The following TPO variants were observed in gnomAD, a reference collection of about 807,000 sequenced individuals.
TPO encodes the protein thyroid microsomal antigen.
In TPO, 78 loss-of-function variants were observed where a neutral mutation model predicts 96.9. The ratio of observed to expected loss-of-function variants is 0.81; its 90% confidence interval spans 0.67 to 0.97. The LOEUF (loss-of-function observed/expected upper bound fraction) is 0.97. TPO is among the 50% of genes least tolerant of loss of function. The pLI is 0.00. For missense variants in TPO, 1,252 were observed against 1,274.8 expected (o/e 0.98, Z 0.27); for synonymous variants, 547 against 538.0 (o/e 1.02, Z -0.23).
At chr2:1,440,815 T>G (rs1666103575) in intron 5 of TPO, among the ~76,000 whole-genome samples, 1 of 152,022 alleles carries the variant, frequency 6.6e-6, no homozygotes, top group Non-Finnish European at 1.5e-5. Context: ...TATGGTGTAG[T>G]CATTGCCGCA....
upstream of TPO, among the ~76,000 whole-genome samples, chr2:1,409,955 G>T (rs1304340929): frequency 2.0e-5 from 3 of 150,638 alleles, no homozygotes; most frequent in Non-Finnish European, 4.4e-5. Context: ...GTGCGGTGGG[G>T]GGCAGGTGTG....
At chr2:1,459,530 T>G (rs1302441100) in intron 7 of TPO, among the ~76,000 whole-genome samples, 1 of 152,170 alleles carries the variant, frequency 6.6e-6, no homozygotes, top group Admixed American at 6.5e-5. Context: ...AAAACTTCAC[T>G]GGCAGTTATT....
intron 15 of TPO, among the ~76,000 whole-genome samples, chr2:1,528,961 T>G (rs1677311226): frequency 9.0e-6 from 1 of 111,094 alleles, no homozygotes; most frequent in African/African-American, 3.8e-5. Context: ...CGCATCCTCC[T>G]AAAATCCCCC....
rs115814955 is a variant in TPO, at chr2:1,491,955, G to A, written c.1769-1847G>A. On this transcript the variant is annotated intron_variant, in intron 10 of 16. Coordinates refer to ENST00000329066, the MANE Select transcript of TPO (RefSeq NM_001206744.2). ...ACAGCAGGAGTCAGGCTGAGGCAGC[G>A]CAGCTTCTCACGGGGGCTCGGGGGA... Among the ~76,000 whole-genome samples the A allele has an allele frequency of 5.2e-3, 793 of 152,272 alleles. 4 individuals carry two copies. Among genetic ancestry groups the A allele is most frequent in the Middle Eastern group, 0.01 (3 of 294 alleles).
chr2:1,540,712 G>T lies in TPO; in HGVS notation c.2737G>T (p.Asp913Tyr). The part of the protein sequence containing the change: ...GTSPQRAAAQ[D>Y]SEQESAGMEG... ...CTCACCGCAGCGGGCCGCAGCTCAG[G>T]ACTCGGAGCAGGTGGGCCACACCAT... The change falls in exon 16 of 17, where the codon GAC (aspartate) becomes TAC (tyrosine). Residue 913 changes from aspartate (D) to tyrosine (Y), a missense_variant. Asp to Tyr is a radical substitution (Grantham distance 160). Transcript: ENST00000329066. The T allele has an allele frequency of 6.2e-7, 1 of 1,613,242 alleles. No homozygotes were observed. The highest frequency in any genetic ancestry group is 1.1e-5 in the South Asian group (1 of 91,082).
intron 13 of TPO, among the ~76,000 whole-genome samples, chr2:1,502,434 G>A (rs1278976648): frequency 6.6e-6 from 1 of 152,112 alleles, no homozygotes; most frequent in Non-Finnish European, 1.5e-5. Flanking sequence ...CTGTCACCCA[G>A]GCTGGAGTGC....
At position 1,487,840 on chromosome 2, in the gene TPO, A is replaced by T. The variant is rs1671320710; in HGVS notation, c.1617A>T (p.Ile539=). The part of the protein sequence containing the change: ...LLRGGGLDPL[I]RGLLARPAKL... ...TTCCAGGTGGTTTGGACCCACTAATACGAGGCCTTCTTGCAAGACCAGCCA... is the reference window on the plus strand; with the variant it reads ...TTCCAGGTGGTTTGGACCCACTAATTCGAGGCCTTCTTGCAAGACCAGCCA... The change falls in exon 10 of 17, where the codon ATA becomes ATT. Residue 539 remains isoleucine (I), a synonymous_variant. Transcript: ENST00000329066. The T allele has an allele frequency of 6.2e-7, 1 of 1,614,228 alleles. No individual in the cohort carries two copies. The highest frequency in any genetic ancestry group is 1.3e-5 in the African/African-American group (1 of 75,046).
At chr2:1,490,511 T>C (rs68005133) in intron 10 of TPO, among the ~76,000 whole-genome samples, 15,965 of 80,998 alleles carry the variant, frequency 0.2, 2,350 homozygotes, top group Admixed American at 0.28. Context: ...GTGTAAGAGC[T>C]GCCACACATG....
At chr2:1,500,464 TAACA>T (rs1163113047) in intron 13 of TPO, among the ~76,000 whole-genome samples, 1 of 152,182 alleles carries the variant, frequency 6.6e-6, no homozygotes, top group Non-Finnish European at 1.5e-5. Context: ...AACTCAAGTA[TAACA>T]GACAGGAAAC....
At chr2:1,399,468 T>G (rs1662132702) in intron 1 of TPO, among the ~76,000 whole-genome samples, 1 of 152,208 alleles carries the variant, frequency 6.6e-6, no homozygotes, top group African/African-American at 2.4e-5. Context: ...AGTTTATAAA[T>G]TAGGCATAGT....
chr2:1,385,545 C>T (rs544666390), intron 1 of TPO, among the ~76,000 whole-genome samples: 12 of 151,894 alleles, frequency 7.9e-5, no homozygotes, highest in South Asian at 2.1e-4. Flanking sequence ...TCTGTGGGAT[C>T]GGTGGTGATA....
chr2:1,436,267 A>G lies in TPO; in HGVS notation c.365A>G (p.Asp122Gly). Reference protein sequence around the residue: ...SQHPTDALSEDLLSIIANMSG... With the variant: ...SQHPTDALSEGLLSIIANMSG... ...TTTTTCACAGATGCTTTATCAGAAG[A>G]TCTGCTGAGCATCATTGCAAACATG... The change falls in exon 5 of 17, where the codon GAT becomes GGT. Residue 122 changes from aspartate to glycine, a missense_variant. By Grantham distance (94) the Asp-to-Gly change is moderately conservative. Coordinates refer to ENST00000329066, the MANE Select transcript of TPO (RefSeq NM_001206744.2). 6.2e-7 allele frequency: 1 copy of G among 1,614,226 alleles called. No homozygotes were observed. The highest frequency in any genetic ancestry group is 2.2e-5 in the East Asian group (1 of 44,884).
At position 1,542,484 on chromosome 2, in the gene TPO, G is replaced by GGCAGGACACT. The variant is rs1207262967; in HGVS notation, c.*15_*24dup. The GGCAGGACACT allele has an allele frequency of 6.2e-7, 1 of 1,614,026 alleles. No homozygotes were observed. Among genetic ancestry groups the GGCAGGACACT allele is most frequent in the Non-Finnish European group, 8.5e-7 (1 of 1,180,044 alleles). On this transcript the variant is annotated 3_prime_UTR_variant, in exon 17 of 17. Transcript: ENST00000329066. The stretch of plus-strand genomic sequence containing the variant: ...GCCGAGAGCCCTCTGAGGGCAAAGT[G>GGCAGGACACT]GCAGGACACTGCAGAACAGCTTCAT...
chr2:1,463,987 C>G (rs780806652), intron 7 of TPO, among the ~76,000 whole-genome samples: 1 of 151,918 alleles, frequency 6.6e-6, no homozygotes, highest in Non-Finnish European at 1.5e-5. Flanking sequence ...GATTTCGGTG[C>G]ACCCATCACC....
At chr2:1,383,435 A>G (rs1661840272) in intron 1 of TPO, among the ~76,000 whole-genome samples, 1 of 152,116 alleles carries the variant, frequency 6.6e-6, no homozygotes, top group Non-Finnish European at 1.5e-5. Flanking sequence ...GTGAGAGATG[A>G]TATCTCATTG....
upstream of TPO, among the ~76,000 whole-genome samples, chr2:1,411,342 C>G (rs951950036): frequency 6.6e-6 from 1 of 152,140 alleles, no homozygotes; most frequent in Non-Finnish European, 1.5e-5. Context: ...ACAAAACGAC[C>G]TGGAGAGTTG....
At chr2:1,516,840 G>A in intron 14 of TPO, 43 bp from the exon 15 acceptor site, 1 of 1,598,972 alleles carries the variant, frequency 6.3e-7, no homozygotes, top group Non-Finnish European at 8.6e-7. Flanking sequence ...GCTTGCCCAG[G>A]CCCTGGAAGG....
intron 3 of TPO, among the ~76,000 whole-genome samples, chr2:1,426,677 G>A (rs566964957): frequency 1.8e-4 from 27 of 152,306 alleles, no homozygotes; most frequent in African/African-American, 6.5e-4. Context: ...TGCTCCTTCT[G>A]TAAAGACAGA....
chr2:1,537,854 CAATCTCAAATCCCCCCCACT>C (rs1680196742), intron 15 of TPO, among the ~76,000 whole-genome samples: 1 of 40,266 alleles, frequency 2.5e-5, no homozygotes, highest in Non-Finnish European at 5.3e-5. Context: ...CCACTGTGTG[CAATCTCAAATCCCCCCCACT>C]GTGTGCAACC....
Sources: gnomAD v4.1 joint callset for allele counts (sites outside exome capture counted in the v4.1 genomes callset) on GRCh38, gnomAD v4.1.1 for gene constraint, MANE v1.5 for transcripts, NCBI Gene and HGNC (gene_info 2026-07-23, HGNC 2026-07-21) for gene names.